The following LTN1 variants were observed in gnomAD, a reference collection of about 807,000 sequenced individuals.
LTN1 encodes the protein E3 ubiquitin-protein ligase listerin.
A neutral mutation model predicts 201.2 loss-of-function variants in LTN1; 88 were observed. The observed-to-expected ratio is 0.44, with a 90% CI of 0.37 to 0.52. The LOEUF (loss-of-function observed/expected upper bound fraction) is 0.52. Ranked by LOEUF, LTN1 falls within the 20% of genes least tolerant of loss-of-function variation. LTN1 has a pLI of 0.00. For synonymous variants in LTN1, 645 were observed against 713.5 expected, an observed-to-expected ratio of 0.90 and a Z score of 1.53; for missense variants, 1,752 against 2,038.7, an observed-to-expected ratio of 0.86 and a Z score of 2.71.
intron 6 of LTN1, among the ~76,000 whole-genome samples, chr21:28,973,286 G>T (rs2084589560): frequency 7.0e-6 from 1 of 143,272 alleles, no homozygotes; most frequent in Admixed American, 7.6e-5. Context: ...GGCGGAGGTT[G>T]CAATGAGCCC....
intron 18 of LTN1, 83 bp downstream of exon 18, chr21:28,952,077 T>C (rs4816338): frequency 2.9e-6 from 2 of 699,916 alleles, no homozygotes; most frequent in Non-Finnish European, 4.8e-6. Context: ...TCTTGATTCA[T>C]TAGAAATTAT....
In LTN1 at chr21:28,943,738, T is replaced by C. The variant is rs571201487; in HGVS notation, c.4149A>G (p.Leu1383=). Residue 1383 remains leucine (L), a synonymous_variant, in exon 23 of 30, where the codon TTA becomes TTG. Transcript: ENST00000361371. ...AGAGGAGTAATGGGGCCAATGTATTTAACAAAGTCTGGAGATATTCTGGTA... is the reference window on the plus strand; with the variant it reads ...AGAGGAGTAATGGGGCCAATGTATTCAACAAAGTCTGGAGATATTCTGGTA... The part of the protein sequence containing the change: ...TNLPEYLQTL[L]NTLAPLLLFR... The C allele has an allele frequency of 1.7e-5, 28 of 1,613,910 alleles. 2 individuals carry two copies. The South Asian group carries it at 3.1e-4, about 18-fold the overall frequency.
chr21:28,971,241 C>T (rs1568852220), intron 7 of LTN1, 30 bp downstream of exon 7: 2 of 1,536,582 alleles, frequency 1.3e-6, no homozygotes, highest in Middle Eastern at 1.7e-4. Context: ...GTTCATTCCT[C>T]AGTGTACTAA....
intron 4 of LTN1, among the ~76,000 whole-genome samples, chr21:28,983,675 T>C (rs1299211947): frequency 6.6e-6 from 1 of 152,052 alleles, no homozygotes; most frequent in Non-Finnish European, 1.5e-5. Flanking sequence ...ACAGGAAGGA[T>C]GGCTAATTGA....
At chr21:28,945,251 A>G (rs1443981277) in intron 21 of LTN1, among the ~76,000 whole-genome samples, 1 of 152,100 alleles carries the variant, frequency 6.6e-6, no homozygotes, top group Non-Finnish European at 1.5e-5. Context: ...AAAGAAAGAA[A>G]GAAAACTGAG....
intron 29 of LTN1, 27 bp downstream of exon 29, chr21:28,931,128 A>G: frequency 6.7e-7 from 1 of 1,486,808 alleles, no homozygotes; most frequent in Non-Finnish European, 9.3e-7. Flanking sequence ...ATAAAATATA[A>G]GTAAGTTAAT....
intron 6 of LTN1, among the ~76,000 whole-genome samples, chr21:28,977,410 T>C (rs1215519296): frequency 6.7e-6 from 1 of 148,992 alleles, no homozygotes; most frequent in Non-Finnish European, 1.5e-5. Context: ...CCAAAATATG[T>C]GACTAACCTG....
Position 28,928,691 on chromosome 21 carries a change from A to G in LTN1, c.*1757T>C, listed in dbSNP as rs530799655. 2.0e-5 allele frequency: 3 copies of G among 152,286 alleles called. No individual in the cohort carries two copies. The South Asian group carries it at 6.2e-4, about 32-fold the overall frequency. The allele number at this position is 152,286 out of a possible 1,614,324, so 9.4% of individuals were successfully genotyped here. ...AAGTATGAAGAACAGTTATTTAATT[A>G]TAACTACTTAATTATAGTGTTTCAC... On this transcript the variant is annotated 3_prime_UTR_variant, in exon 30 of 30. Coordinates refer to ENST00000361371, the MANE Select transcript of LTN1 (RefSeq NM_015565.3).
chr21:28,955,813 C>T (rs555127666), intron 16 of LTN1, among the ~76,000 whole-genome samples: 3 of 148,574 alleles, frequency 2.0e-5, no homozygotes, highest in Admixed American at 1.4e-4. Flanking sequence ...GTCCCATCTA[C>T]TTGGGAGGTT....
chr21:28,964,741 A>G (rs1231339570), intron 11 of LTN1: 19 of 1,550,252 alleles, frequency 1.2e-5, no homozygotes, highest in Non-Finnish European at 1.5e-5. Flanking sequence ...AGATGTGAGT[A>G]TTTGCACTTC....
chr21:28,988,996 G>A (rs1179358644), intron 1 of LTN1, among the ~76,000 whole-genome samples: 2 of 151,610 alleles, frequency 1.3e-5, no homozygotes, highest in African/African-American at 2.4e-5. Context: ...TAAAAGAATG[G>A]CTACTCCATA....
In LTN1 at chr21:28,969,491, A is replaced by G. The variant is rs1376552053; in HGVS notation, c.1286T>C (p.Ile429Thr). The G allele has an allele frequency of 6.2e-7, 1 of 1,612,338 alleles. No individual in the cohort carries two copies. Among genetic ancestry groups the G allele is most frequent in the African/African-American group, 1.3e-5 (1 of 74,782 alleles). ...CTGATCATTGACGAGCATCTGTTCA[A>G]TCTCTTCCTCACCTAAGTTTTGCTG... Reference protein sequence around the residue: ...IMQQNLGEEEIEQMLVNDQLI... With the variant: ...IMQQNLGEEETEQMLVNDQLI... The change falls in exon 9 of 30, where the codon ATT becomes ACT. Residue 429 changes from isoleucine (I) to threonine (T), a missense_variant. Transcript: ENST00000361371.
chr21:28,988,237 C>T (rs535212444), intron 1 of LTN1, among the ~76,000 whole-genome samples: 87 of 151,482 alleles, frequency 5.7e-4, no homozygotes, highest in Middle Eastern at 3.4e-3. Context: ...GAGGTCAAGG[C>T]GGGTGGATCA....
In LTN1 at chr21:28,962,584, T is replaced by C. The variant is rs145862553; in HGVS notation, c.2164-1878A>G. Among the ~76,000 whole-genome samples, 1,086 of 152,342 alleles carry C rather than the reference T, an allele frequency of 7.1e-3. 8 individuals are homozygous for C. The highest frequency in any genetic ancestry group is 0.025 in the African/African-American group (1,020 of 41,576). ...CGACCATTCCCTAATCTCTCTTCTC[T>C]GTCCTTAGGCATCCCTATTCCCTTA... On this transcript the variant is annotated intron_variant, in intron 11 of 29. Coordinates refer to ENST00000361371, the MANE Select transcript of LTN1 (RefSeq NM_015565.3).
intron 16 of LTN1, among the ~76,000 whole-genome samples, chr21:28,956,318 G>C (rs980222101): frequency 7.2e-5 from 11 of 152,140 alleles, no homozygotes; most frequent in African/African-American, 1.4e-4. Flanking sequence ...TGGATATCCT[G>C]CTTAGCCTGA....
Position 28,935,326 on chromosome 21 carries a change from G to A in LTN1, c.4658C>T (p.Thr1553Ile), listed in dbSNP as rs765622523. The A allele has an allele frequency of 1.7e-5, 27 of 1,604,406 alleles. No individual in the cohort carries two copies. The Admixed American group carries it at 2.0e-4, about 12-fold the overall frequency. ...TGGAATGTGGTATGGAAGCATTGTT[G>A]TTTCTGAGGAAAAAACAAATTATTG... ...TEELQLSIRETTMLPYHIPHL... is the reference protein window; with the variant it reads ...TEELQLSIREITMLPYHIPHL... Residue 1553 changes from threonine (T) to isoleucine (I), a missense_variant, in exon 27 of 30, where the codon ACA becomes ATA. By Grantham distance (89) the Thr-to-Ile change is moderately conservative (BLOSUM62 -1). Coordinates refer to ENST00000361371, the MANE Select transcript of LTN1 (RefSeq NM_015565.3).
intron 11 of LTN1, among the ~76,000 whole-genome samples, chr21:28,962,768 G>A (rs2084489796): frequency 6.6e-6 from 1 of 152,238 alleles, no homozygotes; most frequent in Admixed American, 6.5e-5. Context: ...GGAAAACTAG[G>A]CCTCTTGTGC....
chr21:28,973,774 T>C (rs1428499944), intron 6 of LTN1, among the ~76,000 whole-genome samples: 2 of 152,270 alleles, frequency 1.3e-5, no homozygotes, highest in Non-Finnish European at 1.5e-5. Context: ...AGTTGGAAGT[T>C]TTCAACACAA....
In LTN1 at chr21:28,984,904, G is replaced by A. The variant is rs747537805; in HGVS notation, c.364C>T (p.Arg122Ter). The A allele has an allele frequency of 1.9e-6, 3 of 1,613,246 alleles. No homozygotes were observed. Among genetic ancestry groups the A allele is most frequent in the South Asian group, 2.2e-5 (2 of 91,002 alleles). The change falls in exon 4 of 30, where the codon CGA (arginine) becomes TGA (stop). Residue 122 changes from arginine to a stop codon, truncating the protein, a stop_gained. Transcript: ENST00000361371. LOFTEE classifies it high-confidence loss of function. The part of the protein sequence containing the change: ...KISLDHDRRV[R>*]EATQQAFEKL... ...TCAAAAGCTTGTTGTGTGGCTTCTC[G>A]GACGCGACGGTCATGATCCTATTAA...
Sources: allele counts gnomAD v4.1 joint callset (sites outside exome capture counted in the v4.1 genomes callset), GRCh38; gene constraint gnomAD v4.1.1; transcripts MANE v1.5; gene names NCBI Gene and HGNC (gene_info 2026-07-23, HGNC 2026-07-21).